MAEL: variants seen among roughly 807,000 people sequenced by gnomAD.
MAEL encodes the protein protein maelstrom homolog.
In MAEL, 46 loss-of-function variants were observed where a neutral mutation model predicts 62.0. That is an observed-to-expected ratio of 0.74 (90% CI 0.59 to 0.95). The LOEUF is 0.95. Ranked by LOEUF, MAEL falls within the 40% of genes least tolerant of loss-of-function variation. The probability of loss-of-function intolerance (pLI) is 0.00; values close to 1 mark genes in which losing one functional copy is unlikely to be tolerated. For synonymous variants in MAEL, 172 were observed against 175.5 expected (o/e 0.98, Z 0.16); for missense variants, 497 against 526.8 (o/e 0.94, Z 0.55).
At chr1:167,007,131 T>TAA (rs554696348) in intron 8 of MAEL, among the ~76,000 whole-genome samples, 14 of 143,686 alleles carry the variant, frequency 9.7e-5, no homozygotes, top group Admixed American at 3.5e-4. Flanking sequence ...CATTCCACTG[T>TAA]AAAAAAAAAA....
intron 5 of MAEL, among the ~76,000 whole-genome samples, chr1:166,995,922 A>G (rs1268551504): frequency 1.3e-5 from 2 of 152,244 alleles, no homozygotes; most frequent in East Asian, 1.9e-4. Flanking sequence ...TCAGATTAAC[A>G]GAAAGCATGG....
chr1:167,008,267 G>C (rs1665017316), intron 8 of MAEL, among the ~76,000 whole-genome samples: 1 of 152,014 alleles, frequency 6.6e-6, no homozygotes. Flanking sequence ...ATTTTTGTAG[G>C]AGCAGTTCCT....
upstream of MAEL, among the ~76,000 whole-genome samples, chr1:166,986,944 A>ATGTGTGTG (rs1663935321): frequency 3.5e-5 from 2 of 57,700 alleles, no homozygotes; most frequent in African/African-American, 1.5e-4. Flanking sequence ...AAGGAAGGGG[A>ATGTGTGTG]CGTGTGTGTG....
Position 167,021,839 on chromosome 1 carries a change from T to C in MAEL, c.1289T>C (p.Phe430Ser), listed in dbSNP as rs200941748. 1.2e-6 allele frequency: 2 copies of C among 1,607,156 alleles called. No homozygotes were observed. Among genetic ancestry groups the C allele is most frequent in the African/African-American group, 1.3e-5 (1 of 74,788 alleles). The change falls in exon 12 of 12, where the codon TTC (phenylalanine) becomes TCC (serine). Residue 430 changes from phenylalanine to serine, a missense_variant. Physicochemically the swap from Phe to Ser is radical, Grantham distance 155. Transcript: ENST00000367872. ...YMSQKDGYKS[F>S]SSLS The stretch of plus-strand genomic sequence containing the variant: ...TCCCAAAAAGATGGATACAAATCTT[T>C]CTCTTCCTTATCTTAATGATGGTAC...
At chr1:167,004,326 C>A (rs1240917889) in intron 6 of MAEL, 22 bp downstream of exon 6, 4 of 1,565,618 alleles carry the variant, frequency 2.6e-6, no homozygotes, top group African/African-American at 2.8e-5. Flanking sequence ...TTAAGAAGTT[C>A]TTTTAAGGTA....
At chr1:166,989,691 G>T in intron 1 of MAEL, 46 bp from the exon 2 acceptor site, 1 of 1,584,030 alleles carries the variant, frequency 6.3e-7, no homozygotes, top group South Asian at 1.1e-5. Flanking sequence ...TAGAGCACGG[G>T]ATCCTCACGG....
upstream of MAEL, among the ~76,000 whole-genome samples, chr1:166,987,264 G>T (rs1017079694): frequency 2.0e-5 from 3 of 152,012 alleles, no homozygotes; most frequent in African/African-American, 7.3e-5. Context: ...CTCAAGTTCT[G>T]TATACATTGA....
chr1:166,980,017 C>CTT (rs1402450878), intron 1 of MAEL, among the ~76,000 whole-genome samples: 1 of 151,778 alleles, frequency 6.6e-6, no homozygotes, highest in Admixed American at 6.6e-5. Flanking sequence ...TTATAATTGT[C>CTT]TTTCTTTCTT....
At chr1:167,020,213 G>A (rs1665566282) in intron 10 of MAEL, among the ~76,000 whole-genome samples, 1 of 152,006 alleles carries the variant, frequency 6.6e-6, no homozygotes, top group Admixed American at 6.6e-5. Context: ...TACCACCTTT[G>A]TCTCTACTCT....
At position 167,005,371 on chromosome 1, in the gene MAEL, C is replaced by T; in HGVS notation, c.819C>T (p.Ala273=). Residue 273 remains alanine (A), a synonymous_variant, in exon 8 of 12, where the codon GCC becomes GCT. Transcript: ENST00000367872. The part of the protein sequence containing the change: ...KTWIRSLLDV[A]MWDYSSNTRC... ...GGATTCGAAGCCTCCTAGATGTGGC[C>T]ATGTGGGATTATTCTAGCAACACAA... The T allele has an allele frequency of 2.5e-6, 4 of 1,611,382 alleles. No individual in the cohort carries two copies. Among genetic ancestry groups the T allele is most frequent in the Non-Finnish European group, 3.4e-6 (4 of 1,179,026 alleles).
intron 8 of MAEL, 94 bp from the exon 9 acceptor site, chr1:167,016,128 A>G (rs375116794): frequency 3.5e-6 from 4 of 1,149,800 alleles, no homozygotes; most frequent in South Asian, 2.5e-5. Flanking sequence ...AAGTAACCTC[A>G]TTTTTTAAAA....
intron 8 of MAEL, among the ~76,000 whole-genome samples, chr1:167,008,056 C>T (rs1013027098): frequency 2.6e-5 from 4 of 151,894 alleles, no homozygotes; most frequent in African/African-American, 9.7e-5. Flanking sequence ...AGAAGTGTCA[C>T]TTTATTCTAG....
Position 167,021,765 on chromosome 1 carries a change from C to G in MAEL, c.1215C>G (p.Ser405Arg). ...RLLESISNSS[S>R]NIHKFSNCDT... Reference sequence around the variant, plus strand: ...TAGAGAGCATTTCCAATTCTTCCAGCAATATCCACAAATTCTCCAACTGTG... The same window carrying G: ...TAGAGAGCATTTCCAATTCTTCCAGGAATATCCACAAATTCTCCAACTGTG... Residue 405 changes from serine to arginine, a missense_variant, in exon 12 of 12, where the codon AGC becomes AGG. Coordinates refer to ENST00000367872, the MANE Select transcript of MAEL (RefSeq NM_032858.3). 6.2e-7 allele frequency: 1 copy of G among 1,612,918 alleles called. No individual in the cohort carries two copies. The highest frequency in any genetic ancestry group is 8.5e-7 in the Non-Finnish European group (1 of 1,179,134).
intron 8 of MAEL, among the ~76,000 whole-genome samples, chr1:167,009,816 A>T (rs1157040689): frequency 6.6e-6 from 1 of 151,836 alleles, no homozygotes; most frequent in Non-Finnish European, 1.5e-5. Context: ...GCAGTTGGTA[A>T]TTTAGTTCTT....
chr1:167,016,042 G>A (rs1037226712), intron 8 of MAEL, 180 bp from the exon 9 acceptor site: 2 of 631,276 alleles, frequency 3.2e-6, no homozygotes, highest in African/African-American at 1.8e-5. Flanking sequence ...GTAGTATCAT[G>A]AATTTGTATC....
intron 8 of MAEL, among the ~76,000 whole-genome samples, chr1:167,008,180 T>C (rs1259652268): frequency 6.6e-6 from 1 of 152,168 alleles, no homozygotes; most frequent in East Asian, 1.9e-4. Context: ...CTTTCCATTG[T>C]TCAAATCTAC....
chr1:166,996,679 C>T (rs979311293), intron 5 of MAEL, among the ~76,000 whole-genome samples: 5 of 152,060 alleles, frequency 3.3e-5, no homozygotes, highest in Admixed American at 2.0e-4. Flanking sequence ...CTGAATTTTG[C>T]GTTTGAATTT....
At chr1:166,998,676 G>A (rs998177950) in intron 5 of MAEL, among the ~76,000 whole-genome samples, 1 of 152,000 alleles carries the variant, frequency 6.6e-6, no homozygotes, top group Non-Finnish European at 1.5e-5. Flanking sequence ...GGATAAAGAT[G>A]TTTCCCTCTA....
intron 1 of MAEL, among the ~76,000 whole-genome samples, chr1:166,983,125 C>G (rs571373138): frequency 1.3e-5 from 2 of 152,162 alleles, no homozygotes; most frequent in African/African-American, 4.8e-5. Context: ...TATTTATTAC[C>G]TGGGTTTTTT....
Sources: allele counts gnomAD v4.1 joint callset (sites outside exome capture counted in the v4.1 genomes callset), GRCh38; gene constraint gnomAD v4.1.1; transcripts MANE v1.5; gene names NCBI Gene and HGNC (gene_info 2026-07-23, HGNC 2026-07-21).